Variants in GPC5 observed in about 807,000 individuals in gnomAD.
The protein encoded by GPC5 is glypican-5.
In GPC5, 47 loss-of-function variants were observed where a neutral mutation model predicts 53.9. That is an observed-to-expected ratio of 0.87 (90% confidence interval 0.69 to 1.11). GPC5 has a LOEUF of 1.11. Among genes scored for constraint, GPC5 ranks in the 50% most tolerant of loss-of-function variants. GPC5 has a pLI of 0.00. For missense variants in GPC5, 748 were observed against 713.1 expected (o/e 1.05, Z -0.56); for synonymous variants, 286 against 263.3 (o/e 1.09, Z -0.84).
chr13:91,608,694 G>T (rs1006571046), intron 2 of GPC5, among the ~76,000 whole-genome samples: 1 of 152,072 alleles, frequency 6.6e-6, no homozygotes, highest in Non-Finnish European at 1.5e-5. Context: ...GGGACTTTGT[G>T]GGGTGAGCCA....
chr13:91,522,493 A>C (rs970743476), intron 2 of GPC5, among the ~76,000 whole-genome samples: 1 of 151,818 alleles, frequency 6.6e-6, no homozygotes, highest in African/African-American at 2.4e-5. Context: ...TTTTATTTTT[A>C]TTTTTTCTGT....
chr13:92,272,886 T>C (rs186912371), intron 7 of GPC5, among the ~76,000 whole-genome samples: 71 of 152,228 alleles, frequency 4.7e-4, no homozygotes, highest in African/African-American at 1.6e-3. Flanking sequence ...GCTGGAGACA[T>C]AGCATGGCCT....
At chr13:92,233,833 G>A (rs1402685637) in intron 7 of GPC5, among the ~76,000 whole-genome samples, 5 of 147,210 alleles carry the variant, frequency 3.4e-5, no homozygotes, top group East Asian at 2.1e-4. Flanking sequence ...AACAGTCCCC[G>A]GTGTGTGATG....
At chr13:91,893,087 G>GT (rs1404426772) in intron 5 of GPC5, among the ~76,000 whole-genome samples, 1 of 151,886 alleles carries the variant, frequency 6.6e-6, no homozygotes, top group African/African-American at 2.4e-5. Context: ...AGATGTAGCT[G>GT]TTTTTATTAA....
intron 2 of GPC5, among the ~76,000 whole-genome samples, chr13:91,624,687 T>C (rs2033953326): frequency 6.6e-6 from 1 of 151,998 alleles, no homozygotes; most frequent in Non-Finnish European, 1.5e-5. Flanking sequence ...ACATGTTTTA[T>C]CATAATAAAA....
chr13:92,575,172 C>G (rs1326026648), intron 7 of GPC5, among the ~76,000 whole-genome samples: 1 of 152,066 alleles, frequency 6.6e-6, no homozygotes, highest in African/African-American at 2.4e-5. Context: ...TAGTGGCCAC[C>G]AAAAAGATAT....
At chr13:91,639,503 C>T (rs1443197675) in intron 2 of GPC5, among the ~76,000 whole-genome samples, 5 of 152,310 alleles carry the variant, frequency 3.3e-5, no homozygotes, top group African/African-American at 4.8e-5. Context: ...TCGTAATTGA[C>T]GTCAAAGAAG....
chr13:91,848,739 A>G (rs2038879794), intron 5 of GPC5, among the ~76,000 whole-genome samples: 1 of 152,218 alleles, frequency 6.6e-6, no homozygotes, highest in Admixed American at 6.5e-5. Flanking sequence ...GATTCTGAAT[A>G]GTATCATCTT....
At chr13:91,936,176 A>G (rs1222381401) in intron 6 of GPC5, among the ~76,000 whole-genome samples, 1 of 152,020 alleles carries the variant, frequency 6.6e-6, no homozygotes, top group Non-Finnish European at 1.5e-5. Context: ...TGCCGTGATA[A>G]GTTTCTGTCT....
At chr13:92,769,735 A>G (rs1344979499) in intron 7 of GPC5, among the ~76,000 whole-genome samples, 2 of 152,160 alleles carry the variant, frequency 1.3e-5, no homozygotes, top group Non-Finnish European at 2.9e-5. Flanking sequence ...ATAGATTATT[A>G]TTTAAATGAA....
intron 7 of GPC5, among the ~76,000 whole-genome samples, chr13:92,313,144 G>A (rs1189117557): frequency 6.6e-6 from 1 of 152,096 alleles, no homozygotes; most frequent in Non-Finnish European, 1.5e-5. Flanking sequence ...AATTCCAAAT[G>A]TTTTATGGCC....
chr13:92,051,661 A>G (rs1594744424), intron 6 of GPC5, among the ~76,000 whole-genome samples: 1 of 152,342 alleles, frequency 6.6e-6, no homozygotes, highest in Admixed American at 6.5e-5. Context: ...TCAGCTGTTT[A>G]GGCTGATAGT....
chr13:92,277,120 C>T (rs2042881457), intron 7 of GPC5, among the ~76,000 whole-genome samples: 1 of 151,812 alleles, frequency 6.6e-6, no homozygotes. Context: ...TTATTTCTTA[C>T]CATTATTATT....
At chr13:91,417,204 A>G (rs1206342149) in intron 1 of GPC5, among the ~76,000 whole-genome samples, 1 of 152,158 alleles carries the variant, frequency 6.6e-6, no homozygotes, top group Non-Finnish European at 1.5e-5. Flanking sequence ...AACACTGGGC[A>G]TGTCAATATT....
At chr13:92,146,709 T>G (rs764859675) in intron 7 of GPC5, among the ~76,000 whole-genome samples, 5 of 152,108 alleles carry the variant, frequency 3.3e-5, no homozygotes, top group Non-Finnish European at 4.4e-5. Flanking sequence ...ATCATTCTTA[T>G]GCCTTTGCAT....
At chr13:92,086,028 C>T (rs578054521) in intron 6 of GPC5, among the ~76,000 whole-genome samples, 233 of 152,304 alleles carry the variant, frequency 1.5e-3, no homozygotes, top group Non-Finnish European at 2.7e-3. Context: ...TGAATTATTC[C>T]ATTCCAACCT....
chr13:91,819,221 G>A (rs146252037), intron 5 of GPC5, among the ~76,000 whole-genome samples: 6,319 of 133,790 alleles, frequency 0.047, 164 homozygotes, highest in Middle Eastern at 0.081. Context: ...ATGCAGTGGC[G>A]TGATATCAGC....
In GPC5 at chr13:91,874,998, T is replaced by C. The variant is rs79270152; in HGVS notation, c.1281-32939T>C. ...ATCTCCTGTGACTAAAGGAAAATAT[T>C]CAGCACATCAGTGTGTGTCAAACAT... On this transcript the variant is annotated intron_variant, in intron 5 of 7. Transcript: ENST00000377067. 1.6e-4 allele frequency among the ~76,000 whole-genome samples: 24 copies of C among 152,286 alleles called. No individual in the cohort carries two copies. The East Asian group carries it at 3.9e-3, about 25-fold the overall frequency.
intron 6 of GPC5, among the ~76,000 whole-genome samples, chr13:92,066,703 C>T (rs377670219): frequency 6.6e-6 from 1 of 152,046 alleles, no homozygotes; most frequent in African/African-American, 2.4e-5. Flanking sequence ...GGTAATTTGA[C>T]AGCAAGGGTA....
Sources: gnomAD v4.1 joint callset for allele counts (sites outside exome capture counted in the v4.1 genomes callset) on GRCh38, gnomAD v4.1.1 for gene constraint, MANE v1.5 for transcripts, NCBI Gene and HGNC (gene_info 2026-07-23, HGNC 2026-07-21) for gene names.